Variants in NUP62CL observed in about 807,000 individuals in gnomAD.
NUP62CL encodes nucleoporin-62 C-terminal-like protein.
In NUP62CL, 13 loss-of-function variants were observed where a neutral mutation model predicts 15.3. That is an observed-to-expected ratio of 0.85 (90% confidence interval 0.55 to 1.35). The LOEUF is 1.35. Among genes scored for constraint, NUP62CL ranks in the 40% most tolerant of loss-of-function variants. The pLI, the probability that NUP62CL is intolerant of heterozygous loss-of-function variation, is 0.00. For missense variants in NUP62CL, 123 were observed against 130.6 expected, an observed-to-expected ratio of 0.94 and a Z score of 0.28; for synonymous variants, 54 against 49.2, an observed-to-expected ratio of 1.10 and a Z score of -0.41.
intron 1 of NUP62CL, among the ~76,000 whole-genome samples, chrX:107,200,642 A>G (rs1602669548): frequency 9.4e-6 from 1 of 105,925 alleles, no homozygotes; most frequent in Admixed American, 1.0e-4. Flanking sequence ...AGAGAGAGAG[A>G]GAGAGAGAAT....
chrX:107,163,785 G>A (rs1192857793), intron 4 of NUP62CL, among the ~76,000 whole-genome samples: 1 of 111,515 alleles, frequency 9.0e-6, no homozygotes, highest in Non-Finnish European at 1.9e-5. Flanking sequence ...GAGTGATAAA[G>A]GAATCAAGGC....
At chrX:107,156,816 G>A (rs1206060662) in intron 4 of NUP62CL, among the ~76,000 whole-genome samples, 1 of 107,397 alleles carries the variant, frequency 9.3e-6, no homozygotes, top group African/African-American at 3.4e-5. Flanking sequence ...GGCTTCAGAC[G>A]ATCAAATTAC....
intron 1 of NUP62CL, among the ~76,000 whole-genome samples, chrX:107,204,735 T>TTTTAAATAAATTATTTA (rs1927580206): frequency 1.1e-5 from 1 of 87,070 alleles, no homozygotes; most frequent in Non-Finnish European, 2.1e-5. Context: ...TTTAAATAAA[T>TTTTAAATAAATTATTTA]TTTAAATAAA....
intron 4 of NUP62CL, among the ~76,000 whole-genome samples, chrX:107,162,942 C>T (rs1926424762): frequency 9.0e-6 from 1 of 111,415 alleles, no homozygotes; most frequent in African/African-American, 3.3e-5. Flanking sequence ...TCTGATCTGA[C>T]AGGAGGCGGA....
At chrX:107,188,348 A>G (rs1240632752) in intron 2 of NUP62CL, among the ~76,000 whole-genome samples, 1 of 111,446 alleles carries the variant, frequency 9.0e-6, no homozygotes, top group Non-Finnish European at 1.9e-5. Flanking sequence ...GATAATGAAA[A>G]CCAATCACAT....
rs1602634532 is a variant in NUP62CL, at chrX:107,131,801, T to A, written c.*43-7469A>T. On this transcript the variant is annotated intron_variant, in intron 8 of 8. Transcript: ENST00000372466. ...GACACTGAGAGGCCCATTCTGCAAG[T>A]GGACAGCTGTGTCTTTGCTGGGGAG... 22 of 1,135,227 alleles carry A rather than the reference T, an allele frequency of 1.9e-5. No homozygotes were observed. In the East Asian group the frequency reaches 3.9e-4, roughly 20 times the overall value. The allele number at this position is 1,135,227 out of a possible 1,213,427, so 93.6% of individuals were successfully genotyped here.
Position 107,172,545 on chromosome X carries a change from C to T in NUP62CL, c.58+2544G>A, listed in dbSNP as rs776181802. On this transcript the variant is annotated intron_variant, in intron 3 of 8. Coordinates refer to ENST00000372466, the MANE Select transcript of NUP62CL (RefSeq NM_017681.3). ...CCTTACCACCCAGCTCTAATAGCTA[C>T]GGGCAATGGATAACCAAGTTTTCTT... Among the ~76,000 whole-genome samples, 19 of 111,429 alleles carry T rather than the reference C, an allele frequency of 1.7e-4. No individual in the cohort carries two copies. In the South Asian group the frequency reaches 6.5e-3, roughly 38 times the overall value.
chrX:107,197,858 A>T (rs181088663), intron 1 of NUP62CL, among the ~76,000 whole-genome samples: 9 of 112,180 alleles, frequency 8.0e-5, no homozygotes, highest in Non-Finnish European at 1.7e-4. Context: ...CACTTCTAAA[A>T]TTCTGACGGT....
chrX:107,180,864 T>A (rs1413384994), intron 2 of NUP62CL, among the ~76,000 whole-genome samples: 1 of 110,684 alleles, frequency 9.0e-6, no homozygotes, highest in East Asian at 2.8e-4. Context: ...AGAAATATTA[T>A]TTACATATTT....
chrX:107,127,673 A>C (rs963434382), intron 8 of NUP62CL, among the ~76,000 whole-genome samples: 3 of 111,636 alleles, frequency 2.7e-5, no homozygotes, highest in African/African-American at 9.8e-5. Flanking sequence ...TACATATAAA[A>C]ATTATTAGAT....
chrX:107,174,859 A>G (rs779943831), intron 3 of NUP62CL, among the ~76,000 whole-genome samples: 1 of 112,453 alleles, frequency 8.9e-6, no homozygotes, highest in Non-Finnish European at 1.9e-5. Flanking sequence ...AATGAATTAT[A>G]TGCTTAAAGT....
chrX:107,203,280 G>A (rs1602671053), intron 1 of NUP62CL, among the ~76,000 whole-genome samples: 1 of 96,847 alleles, frequency 1.0e-5, no homozygotes, highest in African/African-American at 3.9e-5. Flanking sequence ...ATCTTGTTCT[G>A]TCGCCCAGGC....
At chrX:107,152,698 T>G (rs891565234) in intron 7 of NUP62CL, among the ~76,000 whole-genome samples, 1 of 111,963 alleles carries the variant, frequency 8.9e-6, no homozygotes, top group African/African-American at 3.2e-5. Flanking sequence ...AATCACTCCA[T>G]TTTTGAAAGC....
chrX:107,199,933 G>A (rs1268984252), intron 1 of NUP62CL, among the ~76,000 whole-genome samples: 1 of 111,908 alleles, frequency 8.9e-6, no homozygotes, highest in Non-Finnish European at 1.9e-5. Flanking sequence ...GTCAGTAATA[G>A]TTATGCATGC....
chrX:107,188,592 A>G (rs1339632530), intron 2 of NUP62CL, among the ~76,000 whole-genome samples: 1 of 111,234 alleles, frequency 9.0e-6, no homozygotes, highest in Non-Finnish European at 1.9e-5. Context: ...TGCTCTCACC[A>G]CTCTTATCCA....
At chrX:107,130,971 C>T (rs1014542113) in intron 8 of NUP62CL, among the ~76,000 whole-genome samples, 2 of 110,482 alleles carry the variant, frequency 1.8e-5, no homozygotes, top group African/African-American at 6.6e-5. Flanking sequence ...AGAGTTAAAT[C>T]CTCCCCTCCA....
At chrX:107,128,130 G>A (rs1439434072) in intron 8 of NUP62CL, among the ~76,000 whole-genome samples, 2 of 112,000 alleles carry the variant, frequency 1.8e-5, no homozygotes, top group South Asian at 3.7e-4. Flanking sequence ...TAACTTCTAA[G>A]AATTTTATTT....
intron 8 of NUP62CL, among the ~76,000 whole-genome samples, chrX:107,145,136 A>C (rs911972405): frequency 9.0e-6 from 1 of 111,509 alleles, no homozygotes; most frequent in Middle Eastern, 4.7e-3. Context: ...AAATAGTTTC[A>C]AAATTGATAG....
At chrX:107,167,074 C>T (rs1313243029) in intron 4 of NUP62CL, among the ~76,000 whole-genome samples, 1 of 111,402 alleles carries the variant, frequency 9.0e-6, no homozygotes, top group African/African-American at 3.3e-5. Flanking sequence ...ATATAAAGAC[C>T]ATACAGAATG....
Sources: gnomAD v4.1 joint callset for allele counts (sites outside exome capture counted in the v4.1 genomes callset) on GRCh38, gnomAD v4.1.1 for gene constraint, MANE v1.5 for transcripts, NCBI Gene and HGNC (gene_info 2026-07-23, HGNC 2026-07-21) for gene names.